Variants in TUSC7 observed in about 807,000 individuals in gnomAD.
TUSC7 encodes LSAMP antisense RNA 3.
At chr3:116,712,123 T>G (rs2051467493) in intron 1 of TUSC7, among the ~76,000 whole-genome samples, 1 of 152,226 alleles carries the variant, frequency 6.6e-6, no homozygotes, top group Non-Finnish European at 1.5e-5. Flanking sequence ...TGTTCATAGT[T>G]TACAATTGTT....
At chr3:116,715,368 AAG>A (rs1355545707) in intron 1 of TUSC7, among the ~76,000 whole-genome samples, 1 of 152,182 alleles carries the variant, frequency 6.6e-6, no homozygotes, top group Non-Finnish European at 1.5e-5. Flanking sequence ...GATAGTATGT[AAG>A]ATTACATTTA....
In TUSC7 at chr3:116,710,851, C is replaced by T. The variant is rs16825358; in HGVS notation, n.98+975C>T. Among the ~76,000 whole-genome samples, 10 of 151,876 alleles carry T rather than the reference C, an allele frequency of 6.6e-5. No individual in the cohort carries two copies. In the South Asian group the frequency reaches 2.1e-3, roughly 32 times the overall value. ...TCAGTACAGCACTGCCCTTACTATA[C>T]CCCATGGCATTAACCCCATAGATAT... On this transcript the variant is annotated intron_variant and non_coding_transcript_variant, in intron 1 of 2. Transcript: ENST00000477805.
At chr3:116,713,449 AT>A (rs539626228) in intron 1 of TUSC7, among the ~76,000 whole-genome samples, 130 of 152,314 alleles carry the variant, frequency 8.5e-4, no homozygotes, top group African/African-American at 2.8e-3. Flanking sequence ...AAGTCTTAAG[AT>A]ATGGAGCTCA....
chr3:116,712,006 C>T (rs1444479445), intron 1 of TUSC7, among the ~76,000 whole-genome samples: 6 of 152,248 alleles, frequency 3.9e-5, no homozygotes, highest in Admixed American at 3.3e-4. Context: ...TTATTATCTG[C>T]ATTAGCATGG....
At chr3:116,709,866 T>G (rs1463007423) in exon 1 of TUSC7, 1 of 152,094 alleles carries the variant, frequency 6.6e-6, no homozygotes, top group Admixed American at 6.6e-5. Flanking sequence ...TGGAGATATA[T>G]CTTGCTAGAG....
chr3:116,710,551 C>A (rs2051454692), intron 1 of TUSC7: 1 of 152,036 alleles, frequency 6.6e-6, no homozygotes, highest in African/African-American at 2.4e-5. Context: ...AATTTCCTAT[C>A]CCTTATTTCT....
intron 1 of TUSC7, chr3:116,717,027 T>G (rs2051514430): frequency 6.6e-6 from 1 of 152,186 alleles, no homozygotes; most frequent in Non-Finnish European, 1.5e-5. Flanking sequence ...TGATGACTAT[T>G]GTGTACTCAC....
intron 1 of TUSC7, among the ~76,000 whole-genome samples, chr3:116,711,018 T>C (rs926877718): frequency 6.6e-6 from 1 of 152,168 alleles, no homozygotes; most frequent in African/African-American, 2.4e-5. Context: ...TACATAGCTT[T>C]GTTAATTGTG....
At chr3:116,713,475 T>A (rs1033682064) in intron 1 of TUSC7, among the ~76,000 whole-genome samples, 29 of 152,312 alleles carry the variant, frequency 1.9e-4, no homozygotes, top group African/African-American at 6.5e-4. Flanking sequence ...TGCTAAGAGA[T>A]GTCACTTGTG....
At chr3:116,710,930 T>C (rs947825672) in intron 1 of TUSC7, among the ~76,000 whole-genome samples, 2 of 152,104 alleles carry the variant, frequency 1.3e-5, no homozygotes, top group African/African-American at 4.8e-5. Flanking sequence ...ATTAACAAAC[T>C]GCATTAACAA....
chr3:116,715,417 G>A (rs1467037139), intron 1 of TUSC7, among the ~76,000 whole-genome samples: 1 of 152,102 alleles, frequency 6.6e-6, no homozygotes, highest in Non-Finnish European at 1.5e-5. Context: ...TTCCAAAATG[G>A]CTATATCATT....
At chr3:116,714,936 A>G (rs1211570648) in intron 1 of TUSC7, among the ~76,000 whole-genome samples, 1 of 152,170 alleles carries the variant, frequency 6.6e-6, no homozygotes, top group Non-Finnish European at 1.5e-5. Flanking sequence ...ATACCACTAT[A>G]GTATTGTACA....
intron 1 of TUSC7, among the ~76,000 whole-genome samples, chr3:116,711,924 T>C (rs1450281634): frequency 6.6e-6 from 1 of 152,142 alleles, no homozygotes; most frequent in African/African-American, 2.4e-5. Context: ...CTAAAAACCT[T>C]TGATGGAAAC....
At chr3:116,713,859 G>A (rs1384099232) in intron 1 of TUSC7, among the ~76,000 whole-genome samples, 4 of 152,232 alleles carry the variant, frequency 2.6e-5, no homozygotes, top group African/African-American at 9.6e-5. Context: ...TCAGCTACTT[G>A]GGAGGCTGAG....
chr3:116,711,294 C>T (rs753500856), intron 1 of TUSC7, among the ~76,000 whole-genome samples: 1 of 152,118 alleles, frequency 6.6e-6, no homozygotes, highest in African/African-American at 2.4e-5. Flanking sequence ...AACTATTTCT[C>T]TCTTCATCCT....
Position 116,715,608 on chromosome 3 carries a change from A to G in TUSC7, n.99-2153A>G, listed in dbSNP as rs548871050. 3.9e-4 allele frequency among the ~76,000 whole-genome samples: 59 copies of G among 152,252 alleles called. No individual in the cohort carries two copies. The South Asian group carries it at 7.7e-3, about 20-fold the overall frequency. ...GGAAATTTTCATATGCTTATTTGCC[A>G]TATGTATATTTTCTTTGGTAAGGTG... On this transcript the variant is annotated intron_variant and non_coding_transcript_variant, in intron 1 of 2. Coordinates refer to ENST00000477805, the Ensembl canonical transcript of TUSC7.
At chr3:116,711,320 T>C (rs536505573) in intron 1 of TUSC7, among the ~76,000 whole-genome samples, 1 of 152,156 alleles carries the variant, frequency 6.6e-6, no homozygotes, top group Non-Finnish European at 1.5e-5. Context: ...CAGCACAAAG[T>C]AGAGTAACAG....
At chr3:116,713,792 C>T (rs2051482877) in intron 1 of TUSC7, among the ~76,000 whole-genome samples, 1 of 152,040 alleles carries the variant, frequency 6.6e-6, no homozygotes, top group South Asian at 2.1e-4. Context: ...ATGGCAAAAC[C>T]CTGTCTCTAG....
chr3:116,711,721 A>C (rs1230655752), intron 1 of TUSC7, among the ~76,000 whole-genome samples: 1 of 152,188 alleles, frequency 6.6e-6, no homozygotes. Flanking sequence ...AACACTAAAG[A>C]TAAATTAGGG....
Sources: allele counts gnomAD v4.1 joint callset (sites outside exome capture counted in the v4.1 genomes callset), GRCh38; gene constraint gnomAD v4.1.1; transcripts MANE v1.5; gene names NCBI Gene and HGNC (gene_info 2026-07-23, HGNC 2026-07-21).